The following GOLGA5 variants were observed in gnomAD, a reference collection of about 807,000 sequenced individuals.
GOLGA5 encodes golgin subfamily A member 5.
GOLGA5 carries 50 observed loss-of-function variants against 93.5 expected under a neutral mutation model. That is an observed-to-expected ratio of 0.53 (90% CI 0.43 to 0.68). GOLGA5 has a LOEUF of 0.68. GOLGA5 is among the 30% of genes least tolerant of loss of function. The probability of loss-of-function intolerance (pLI) is 0.00; values close to 1 mark genes in which losing one functional copy is unlikely to be tolerated. For missense variants in GOLGA5, 760 were observed against 856.4 expected (o/e 0.89, Z 1.40); for synonymous variants, 312 against 304.5 (o/e 1.02, Z -0.26).
chr14:92,829,750 T>TA lies in GOLGA5; in HGVS notation c.1720-3369dup, dbSNP rs138339435. Among the ~76,000 whole-genome samples, 708 of 152,340 alleles carry TA rather than the reference T, an allele frequency of 4.6e-3. 10 individuals carry two copies. The highest frequency in any genetic ancestry group is 5.3e-3 in the Non-Finnish European group (362 of 68,040). ...AGTTGATGAAGCACTGGCAGGGTGT[T>TA]AAAGGATTGACTCCAGTTTTGAAAG... On this transcript the variant is annotated intron_variant, in intron 9 of 12. Transcript: ENST00000163416.
At chr14:92,800,320 A>G (rs1189826890) in intron 2 of GOLGA5, among the ~76,000 whole-genome samples, 1 of 152,232 alleles carries the variant, frequency 6.6e-6, no homozygotes, top group African/African-American at 2.4e-5. Context: ...GAGGGTCTGT[A>G]TTTTTAGCTG....
chr14:92,810,545 A>T, intron 5 of GOLGA5, 168 bp downstream of exon 5: 1 of 440,120 alleles, frequency 2.3e-6, no homozygotes, highest in Non-Finnish European at 4.0e-6. Context: ...GATCCTTGCT[A>T]AATGTATTTA....
At chr14:92,819,976 C>G in intron 8 of GOLGA5, 140 bp downstream of exon 8, 2 of 734,978 alleles carry the variant, frequency 2.7e-6, no homozygotes, top group Non-Finnish European at 4.4e-6. Flanking sequence ...CTTCCCATCT[C>G]ATCTGAAGGG....
At chr14:92,816,542 G>GCTTCGCTTCT (rs386382184) in intron 7 of GOLGA5, 121 bp downstream of exon 7, 155 of 699,880 alleles carry the variant, frequency 2.2e-4, no homozygotes, top group East Asian at 1.0e-3. Context: ...GCTTCGCTTC[G>GCTTCGCTTCT]CTTCTCTTCT....
At chr14:92,816,522 G>GCGTCT in intron 7 of GOLGA5, 101 bp downstream of exon 7, 1 of 720,384 alleles carries the variant, frequency 1.4e-6, no homozygotes, top group Non-Finnish European at 2.2e-6. Flanking sequence ...TAGGTTTCTC[G>GCGTCT]CTTCTCTTCG....
At chr14:92,805,262 T>C (rs1039345518) in intron 2 of GOLGA5, among the ~76,000 whole-genome samples, 2 of 152,154 alleles carry the variant, frequency 1.3e-5, no homozygotes, top group Non-Finnish European at 2.9e-5. Context: ...TCATATAGTA[T>C]ATATACTTTC....
chr14:92,819,629 C>A, intron 7 of GOLGA5, 79 bp from the exon 8 acceptor site: 1 of 1,448,152 alleles, frequency 6.9e-7, no homozygotes, highest in South Asian at 1.2e-5. Context: ...GACTCTGATT[C>A]TTAAAAAAGA....
rs1884755246 is a variant in GOLGA5, at chr14:92,797,268, T to G, written c.-30-140T>G. Reference sequence around the variant, plus strand: ...ATAAGATTTCTCAGCCTCATTTAAGTAGTTTTCTCAAGGTTACCTAGCTAG... The same window carrying G: ...ATAAGATTTCTCAGCCTCATTTAAGGAGTTTTCTCAAGGTTACCTAGCTAG... On this transcript the variant is annotated intron_variant, in intron 1 of 12. Coordinates refer to ENST00000163416, the MANE Select transcript of GOLGA5 (RefSeq NM_005113.4). 18 of 536,872 alleles carry G rather than the reference T, an allele frequency of 3.4e-5. No homozygotes were observed. The South Asian group carries it at 4.9e-4, about 15-fold the overall frequency. 33.3% of individuals were successfully genotyped at this position (536,872 alleles called of 1,614,324 possible).
intron 9 of GOLGA5, among the ~76,000 whole-genome samples, chr14:92,828,253 G>A (rs571640218): frequency 1.5e-3 from 225 of 152,258 alleles, no homozygotes; most frequent in African/African-American, 5.1e-3. Context: ...CTCTTGTTAG[G>A]GGCTAATGCT....
intron 9 of GOLGA5, 70 bp from the exon 10 acceptor site, chr14:92,833,052 T>C: frequency 1.2e-6 from 1 of 831,254 alleles, no homozygotes; most frequent in Non-Finnish European, 2.1e-6. Flanking sequence ...TATGAAAATG[T>C]AGTAGTGTGA....
chr14:92,816,872 G>GTTTCTTTC (rs34176729), intron 7 of GOLGA5, among the ~76,000 whole-genome samples: 2 of 152,070 alleles, frequency 1.3e-5, no homozygotes, highest in Non-Finnish European at 2.9e-5. Context: ...AAAGCAGTAG[G>GTTTCTTTC]TTTCTTTCTT....
At chr14:92,806,434 T>A (rs971181650) in intron 2 of GOLGA5, among the ~76,000 whole-genome samples, 9 of 152,180 alleles carry the variant, frequency 5.9e-5, no homozygotes, top group African/African-American at 2.2e-4. Context: ...TGCCTCAGCC[T>A]CCTGAGTAGC....
intron 1 of GOLGA5, among the ~76,000 whole-genome samples, chr14:92,795,484 C>CAA: frequency 6.6e-6 from 1 of 152,118 alleles, no homozygotes; most frequent in Admixed American, 6.6e-5. Context: ...TGGGATCTTT[C>CAA]TAAACCCTTT....
intron 9 of GOLGA5, among the ~76,000 whole-genome samples, chr14:92,832,375 T>C (rs7142680): frequency 0.74 from 112,236 of 152,114 alleles, 41,848 homozygotes; most frequent in East Asian, 0.85. Flanking sequence ...GAGAAGGGGA[T>C]TGAGTTTCCA....
chr14:92,812,110 T>C (rs1279868473), intron 6 of GOLGA5, among the ~76,000 whole-genome samples: 2 of 152,230 alleles, frequency 1.3e-5, no homozygotes, highest in Non-Finnish European at 2.9e-5. Flanking sequence ...CTCAGAATTG[T>C]CTCACCCAGC....
At chr14:92,821,574 CAGAAG>C (rs893613870) in intron 8 of GOLGA5, among the ~76,000 whole-genome samples, 11 of 152,144 alleles carry the variant, frequency 7.2e-5, no homozygotes, top group African/African-American at 2.2e-4. Context: ...CTTTATTTTA[CAGAAG>C]AGAAAACTAT....
Position 92,834,354 on chromosome 14 carries a change from C to G in GOLGA5, c.1945+1007C>G, listed in dbSNP as rs985513986. ...TCTCCTAATACTATCCCTCCTCCCC[C>G]CTCCCCCAGCCCCACAACAGTCCCC... is the stretch of plus-strand genomic sequence containing the variant. On this transcript the variant is annotated intron_variant, in intron 10 of 12. Coordinates refer to ENST00000163416, the MANE Select transcript of GOLGA5 (RefSeq NM_005113.4). Among the ~76,000 whole-genome samples the G allele has an allele frequency of 3.3e-5, 5 of 152,016 alleles. No individual in the cohort carries two copies. In the East Asian group the frequency reaches 5.8e-4, roughly 18 times the overall value.
At chr14:92,831,307 G>A (rs11851364) in intron 9 of GOLGA5, among the ~76,000 whole-genome samples, 485 of 152,274 alleles carry the variant, frequency 3.2e-3, no homozygotes, top group Middle Eastern at 0.014. Context: ...ATGAATATTT[G>A]TAACATGCTT....
intron 3 of GOLGA5, among the ~76,000 whole-genome samples, chr14:92,807,237 G>A (rs1315220825): frequency 2.0e-5 from 3 of 152,120 alleles, no homozygotes; most frequent in African/African-American, 7.2e-5. Context: ...GGGAGGTGGA[G>A]GTTGCAGTGA....
Sources: gnomAD v4.1 joint callset for allele counts (sites outside exome capture counted in the v4.1 genomes callset) on GRCh38, gnomAD v4.1.1 for gene constraint, MANE v1.5 for transcripts, NCBI Gene and HGNC (gene_info 2026-07-23, HGNC 2026-07-21) for gene names.